ERAP1: variants seen among roughly 807,000 people sequenced by gnomAD.
ERAP1 encodes the protein adipocyte-derived leucine aminopeptidase.
Under a neutral mutation model 103.7 loss-of-function variants are expected in ERAP1, and 86 were observed. That is an observed-to-expected ratio of 0.83 (90% confidence interval 0.70 to 0.99). ERAP1 has a LOEUF of 0.99. Among genes scored for constraint, ERAP1 ranks in the 50% least tolerant of loss-of-function variants. The probability of loss-of-function intolerance (pLI) is 0.00; values close to 1 mark genes in which losing one functional copy is unlikely to be tolerated. For missense variants in ERAP1, 1,009 were observed against 1,128.4 expected (o/e 0.89, Z 1.52); for synonymous variants, 398 against 402.4 (o/e 0.99, Z 0.13).
chr5:96,840,967 G>A, the ERAP1 span, among the ~76,000 whole-genome samples: 9 of 152,248 alleles, frequency 5.9e-5, no homozygotes, highest in Non-Finnish European at 1.2e-4. Flanking sequence ...GCCTCCCAAA[G>A]TGCTGGGATT....
At chr5:96,811,990 T>C (rs1312223933), upstream of ERAP1, among the ~76,000 whole-genome samples, 1 of 152,250 alleles carries the variant, frequency 6.6e-6, no homozygotes, top group Non-Finnish European at 1.5e-5. Context: ...CTGTTGCTTT[T>C]ACCTTTGCTC....
the ERAP1 span, among the ~76,000 whole-genome samples, chr5:96,840,175 A>G: frequency 9.9e-5 from 15 of 152,234 alleles, no homozygotes; most frequent in African/African-American, 3.6e-4. Context: ...TCTTTCCAGT[A>G]GTGAAAACTC....
At chr5:96,892,834 G>A in the ERAP1 span, among the ~76,000 whole-genome samples, 6 of 152,066 alleles carry the variant, frequency 3.9e-5, no homozygotes, top group Non-Finnish European at 7.4e-5. Flanking sequence ...TCCAATCTAG[G>A]GCAAAATCAC....
chr5:96,863,962 G>A, the ERAP1 span, among the ~76,000 whole-genome samples: 4,666 of 152,012 alleles, frequency 0.031, 102 homozygotes, highest in Middle Eastern at 0.11. Flanking sequence ...TATCTTCAAA[G>A]GCTTCCTTGA....
chr5:96,840,013 T>A, the ERAP1 span, among the ~76,000 whole-genome samples: 5 of 152,252 alleles, frequency 3.3e-5, no homozygotes, highest in East Asian at 9.6e-4. Context: ...TCTCCTCTGC[T>A]AGAATGGAAA....
rs141590193 is a variant in ERAP1 at position 96,795,290 on chromosome 5, G to A, written c.799-128C>T. The stretch of plus-strand genomic sequence containing the variant: ...TTGCCAATATTAAAGAAAATAATTG[G>A]GAATTCCATTTCTTGCATTAATACT... On this transcript the variant is annotated intron_variant, in intron 4 of 18. Coordinates refer to ENST00000443439, the MANE Select transcript of ERAP1 (RefSeq NM_001040458.3). 2.1e-4 allele frequency: 268 copies of A among 1,260,120 alleles called. 4 individuals carry two copies. In the East Asian group the frequency reaches 6.7e-3, roughly 32 times the overall value. The allele number at this position is 1,260,120 out of a possible 1,614,324, so 78.1% of individuals were successfully genotyped here.
chr5:96,837,034 A>G, the ERAP1 span, among the ~76,000 whole-genome samples: 1 of 152,210 alleles, frequency 6.6e-6, no homozygotes, highest in Non-Finnish European at 1.5e-5. Context: ...ATCAAAATAT[A>G]TTAGGCTAAA....
the ERAP1 span, chr5:96,889,191 A>C: frequency 2.9e-5 from 47 of 1,614,046 alleles, no homozygotes; most frequent in Non-Finnish European, 1.7e-6. Flanking sequence ...CCAGGTGTCC[A>C]TCTATGCATC....
At chr5:96,762,843 T>C (rs1331694717) in exon 20 of ERAP1, 3 of 342,890 alleles carry the variant, frequency 8.7e-6, no homozygotes, top group African/African-American at 2.1e-5. Flanking sequence ...ATTGTTTTCT[T>C]CCCAATTCAC....
the ERAP1 span, chr5:96,883,965 CT>C: frequency 6.5e-7 from 1 of 1,544,974 alleles, no homozygotes; most frequent in Non-Finnish European, 8.7e-7. Context: ...AGAAATTGTT[CT>C]CAAGTTGAGA....
the ERAP1 span, among the ~76,000 whole-genome samples, chr5:96,845,899 AT>A: frequency 1.3e-5 from 2 of 151,870 alleles, no homozygotes; most frequent in East Asian, 1.9e-4. Flanking sequence ...AAACCTTTGG[AT>A]TTTTTTTTGA....
At chr5:96,765,851 C>A (rs1769749551) in intron 19 of ERAP1, among the ~76,000 whole-genome samples, 1 of 152,126 alleles carries the variant, frequency 6.6e-6, no homozygotes, top group South Asian at 2.1e-4. Context: ...AATTGACATA[C>A]AGAAGCATAC....
chr5:96,919,148 G>A, the ERAP1 span: 1 of 152,192 alleles, frequency 6.6e-6, no homozygotes, highest in Non-Finnish European at 1.5e-5. Flanking sequence ...GAAAGTGTTA[G>A]TCAATCCACT....
intron 17 of ERAP1, 123 bp from the exon 18 acceptor site, chr5:96,780,627 T>C (rs914209791): frequency 2.6e-5 from 20 of 773,720 alleles, no homozygotes; most frequent in African/African-American, 3.4e-5. Context: ...ATACAAAATA[T>C]GATGTCTATC....
the ERAP1 span, among the ~76,000 whole-genome samples, chr5:96,839,824 A>C: frequency 1.3e-5 from 2 of 152,168 alleles, no homozygotes; most frequent in African/African-American, 2.4e-5. Flanking sequence ...AATAAATCCC[A>C]AAAATACTCA....
chr5:96,761,044 G>GA (rs1166011639), exon 20 of ERAP1: 2 of 151,952 alleles, frequency 1.3e-5, no homozygotes, highest in Non-Finnish European at 2.9e-5. Flanking sequence ...ATAGATCAAT[G>GA]AAAAAATTGA....
chr5:96,786,334 T>C (rs1775990318), intron 12 of ERAP1, 136 bp downstream of exon 12: 1 of 679,450 alleles, frequency 1.5e-6, no homozygotes, highest in Non-Finnish European at 2.6e-6. Flanking sequence ...TGGCCATTCT[T>C]CTTTGAAACC....
At chr5:96,934,655 G>A in the ERAP1 span, 10 of 152,248 alleles carry the variant, frequency 6.6e-5, no homozygotes, top group African/African-American at 2.4e-4. Flanking sequence ...ACTTCGATTT[G>A]ACTTCTTCGA....
the ERAP1 span, chr5:96,895,325 T>C: frequency 1.9e-6 from 3 of 1,612,318 alleles, no homozygotes; most frequent in Non-Finnish European, 1.7e-6. Context: ...ATGGAACTTA[T>C]CGCTGTTAAT....
Sources: allele counts gnomAD v4.1 joint callset (sites outside exome capture counted in the v4.1 genomes callset), GRCh38; gene constraint gnomAD v4.1.1; transcripts MANE v1.5; gene names NCBI Gene and HGNC (gene_info 2026-07-23, HGNC 2026-07-21).